Variants in EYS observed in about 807,000 individuals in gnomAD.
EYS encodes EGF-like photoreceptor maintenance factor.
In EYS, 250 loss-of-function variants were observed where a neutral mutation model predicts 282.1. The ratio of observed to expected loss-of-function variants is 0.89; its 90% CI spans 0.80 to 0.98. The LOEUF (loss-of-function observed/expected upper bound fraction) is 0.98, where lower values mean the gene tolerates loss of function less well. EYS is among the 50% of genes least tolerant of loss of function. The pLI is 0.00. For synonymous variants in EYS, 1,355 were observed against 1,282.9 expected (o/e 1.06, Z -1.20); for missense variants, 4,016 against 3,709.0 (o/e 1.08, Z -2.15).
At chr6:64,277,757 G>T (rs1290445507) in intron 30 of EYS, among the ~76,000 whole-genome samples, 5 of 152,108 alleles carry the variant, frequency 3.3e-5, no homozygotes, top group African/African-American at 1.2e-4. Context: ...AATAATCAAG[G>T]AGGATGGAGA....
chr6:64,421,845 T>A (rs1774242279), intron 28 of EYS, among the ~76,000 whole-genome samples: 1 of 148,438 alleles, frequency 6.7e-6, no homozygotes. Context: ...AGAGAGCGCA[T>A]TTTTTTGTTT....
intron 26 of EYS, among the ~76,000 whole-genome samples, chr6:64,577,673 T>A (rs1385846023): frequency 6.6e-6 from 1 of 152,058 alleles, no homozygotes; most frequent in African/African-American, 2.4e-5. Context: ...AAACATATAT[T>A]TTAGAATCAA....
At chr6:63,750,254 G>A (rs910239902) in intron 41 of EYS, among the ~76,000 whole-genome samples, 14 of 152,208 alleles carry the variant, frequency 9.2e-5, no homozygotes, top group South Asian at 2.1e-4. Context: ...ATCTGCATTC[G>A]TTAGGGTTGA....
chr6:64,967,289 T>C (rs1395434511), intron 14 of EYS, among the ~76,000 whole-genome samples: 3 of 151,954 alleles, frequency 2.0e-5, no homozygotes, highest in Non-Finnish European at 2.9e-5. Context: ...ACTTACACTT[T>C]GGAATAAGCT....
In EYS at chr6:63,755,612, A is replaced by C. The variant is rs1582175216; in HGVS notation, c.8071+6849T>G. 2.0e-5 allele frequency among the ~76,000 whole-genome samples: 3 copies of C among 152,174 alleles called. No individual in the cohort carries two copies. In the East Asian group the frequency reaches 5.8e-4, roughly 29 times the overall value. The stretch of plus-strand genomic sequence containing the variant: ...TGCTTAGGATTGTCCTGGCTATACG[A>C]GCTCTTTTTTGGTTCCCTATGATAT... On this transcript the variant is annotated intron_variant, in intron 41 of 42. Transcript: ENST00000503581.
chr6:64,000,816 A>G (rs1768061703), intron 33 of EYS, among the ~76,000 whole-genome samples: 1 of 152,078 alleles, frequency 6.6e-6, no homozygotes. Context: ...TTAGCTTACC[A>G]AGGTCATTTC....
At chr6:64,097,612 T>C (rs1483110320) in intron 31 of EYS, among the ~76,000 whole-genome samples, 1 of 152,152 alleles carries the variant, frequency 6.6e-6, no homozygotes, top group African/African-American at 2.4e-5. Context: ...AAGCCCAGTA[T>C]TAGGGTGGGA....
intron 19 of EYS, among the ~76,000 whole-genome samples, chr6:64,828,854 G>A (rs1013132314): frequency 6.6e-6 from 1 of 151,952 alleles, no homozygotes; most frequent in African/African-American, 2.4e-5. Flanking sequence ...AATAAAAAAA[G>A]TCTGAGGTTG....
At chr6:63,806,416 T>G (rs765245784) in intron 36 of EYS, 44 bp from the exon 37 acceptor site, 1 of 1,453,514 alleles carries the variant, frequency 6.9e-7, no homozygotes, top group East Asian at 2.5e-5. Flanking sequence ...AACCTGTACA[T>G]GTATTTGTAA....
chr6:65,336,147 C>A (rs890445019), intron 10 of EYS, among the ~76,000 whole-genome samples: 1 of 151,692 alleles, frequency 6.6e-6, no homozygotes, highest in Non-Finnish European at 1.5e-5. Flanking sequence ...AACCTCTTTT[C>A]TTTATAAATC....
chr6:64,163,472 A>G (rs1465514916), intron 31 of EYS, among the ~76,000 whole-genome samples: 1 of 152,110 alleles, frequency 6.6e-6, no homozygotes, highest in African/African-American at 2.4e-5. Context: ...AATCTAATCT[A>G]CACATTCTTT....
chr6:64,031,151 T>G (rs1428321129), intron 33 of EYS, among the ~76,000 whole-genome samples: 2 of 151,758 alleles, frequency 1.3e-5, no homozygotes, highest in East Asian at 3.9e-4. Context: ...TGCGGGGAGG[T>G]GTGGAGGGAG....
chr6:64,703,776 A>G (rs1280682075), intron 22 of EYS, among the ~76,000 whole-genome samples: 1 of 152,214 alleles, frequency 6.6e-6, no homozygotes, highest in Non-Finnish European at 1.5e-5. Flanking sequence ...AAATTGTGAA[A>G]CAAAAGCAAC....
chr6:65,323,553 T>C lies in EYS; in HGVS notation c.1766+11427A>G, dbSNP rs1172338310. On this transcript the variant is annotated intron_variant, in intron 11 of 42. Transcript: ENST00000503581. ...TATAGCCTTCATATAAATTATCTCATTTAATCCATACCGTGATTTTATGAG... is the reference window on the plus strand; with the variant it reads ...TATAGCCTTCATATAAATTATCTCACTTAATCCATACCGTGATTTTATGAG... 7.3e-5 allele frequency among the ~76,000 whole-genome samples: 11 copies of C among 150,064 alleles called. No individual in the cohort carries two copies. In the East Asian group the frequency reaches 2.0e-3, roughly 27 times the overall value.
chr6:64,899,308 C>T (rs1037038630), intron 18 of EYS, among the ~76,000 whole-genome samples: 13 of 152,182 alleles, frequency 8.5e-5, no homozygotes, highest in Admixed American at 1.3e-4. Context: ...TCACTCAAAA[C>T]GACACAACTA....
At chr6:64,834,253 G>T (rs185647216) in intron 19 of EYS, among the ~76,000 whole-genome samples, 52 of 151,788 alleles carry the variant, frequency 3.4e-4, no homozygotes, top group Admixed American at 1.8e-3. Context: ...TTTAAAAAAA[G>T]CTCATGATTA....
At chr6:63,976,057 G>A (rs1000037509) in intron 35 of EYS, among the ~76,000 whole-genome samples, 5 of 151,930 alleles carry the variant, frequency 3.3e-5, no homozygotes, top group Non-Finnish European at 5.9e-5. Flanking sequence ...AGTGGTATTT[G>A]TGTATCTAAA....
intron 31 of EYS, among the ~76,000 whole-genome samples, chr6:64,164,026 G>A (rs1421208334): frequency 6.6e-6 from 1 of 152,038 alleles, no homozygotes; most frequent in Non-Finnish European, 1.5e-5. Context: ...GTTACTCCTA[G>A]GTGTTGACTC....
intron 5 of EYS, chr6:65,489,655 A>G (rs1031163633): frequency 4.6e-5 from 7 of 152,138 alleles, no homozygotes; most frequent in Non-Finnish European, 8.8e-5. Flanking sequence ...TAATCATTCT[A>G]CGATAAAGAC....
Sources: allele counts gnomAD v4.1 joint callset (sites outside exome capture counted in the v4.1 genomes callset), GRCh38; gene constraint gnomAD v4.1.1; transcripts MANE v1.5; gene names NCBI Gene and HGNC (gene_info 2026-07-23, HGNC 2026-07-21).